PSD2: variants seen among roughly 807,000 people sequenced by gnomAD.
The protein encoded by PSD2 is PH and SEC7 domain-containing protein 2.
A neutral mutation model predicts 69.8 loss-of-function variants in PSD2; 38 were observed. The observed-to-expected ratio is 0.54, with a 90% CI of 0.42 to 0.71. PSD2 has a LOEUF of 0.71. Ranked by LOEUF, PSD2 falls within the 30% of genes least tolerant of loss-of-function variation. PSD2 has a pLI of 0.00. For synonymous variants in PSD2, 412 were observed against 423.0 expected (o/e 0.97, Z 0.32); for missense variants, 943 against 1,014.5 (o/e 0.93, Z 0.96).
Position 139,840,190 on chromosome 5 carries a change from A to ATTGCAAAGCCCAGTGCC in PSD2, c.2112+21_2112+37dup. Reference sequence around the variant, plus strand: ...TTCGAGGTGAGCCTTGGGGGACTGGATTGCAAAGCCCAGTGCCCTGCTCTT... The same window carrying ATTGCAAAGCCCAGTGCC: ...TTCGAGGTGAGCCTTGGGGGACTGGATTGCAAAGCCCAGTGCCTTGCAAAGCCCAGTGCCCTGCTCTT... On this transcript the variant is annotated intron_variant, in intron 14 of 14. Transcript: ENST00000274710. 1 of 1,612,786 alleles carries ATTGCAAAGCCCAGTGCC rather than the reference A, an allele frequency of 6.2e-7. No homozygotes were observed. The highest frequency in any genetic ancestry group is 8.5e-7 in the Non-Finnish European group (1 of 1,179,458).
rs1760818776 is a variant in PSD2, at chr5:139,839,516, G to A, written c.1969-511G>A. Among the ~76,000 whole-genome samples the A allele has an allele frequency of 1.3e-5, 2 of 152,214 alleles. No homozygotes were observed. Among genetic ancestry groups the A allele is most frequent in the South Asian group, 4.1e-4 (2 of 4,834 alleles). On this transcript the variant is annotated intron_variant, in intron 13 of 14. Transcript: ENST00000274710. The surrounding 1 kb of genome is among the most constrained non-coding windows in gnomAD (Gnocchi z 5.1). ...CTGGCCTGTAGTGGGTGGGATGTGT[G>A]CGTTTGCCCATCAGCGACAGTGTCT...
intron 4 of PSD2, among the ~76,000 whole-genome samples, chr5:139,817,067 C>A (rs1431805924): frequency 6.6e-6 from 1 of 152,232 alleles, no homozygotes; most frequent in Admixed American, 6.5e-5. Flanking sequence ...TACAGACTGA[C>A]CATCCCTGCT....
intron 5 of PSD2, among the ~76,000 whole-genome samples, chr5:139,821,042 C>T (rs974526126): frequency 6.6e-6 from 1 of 152,030 alleles, no homozygotes; most frequent in Non-Finnish European, 1.5e-5. Context: ...AAGTGATTCT[C>T]TTGCCTCAAC....
chr5:139,801,264 AGAC>A (rs977166421), intron 1 of PSD2, among the ~76,000 whole-genome samples: 18 of 151,454 alleles, frequency 1.2e-4, no homozygotes, highest in Non-Finnish European at 2.2e-4. Context: ...AGGGTTGTCT[AGAC>A]TCATTGTCTC....
At chr5:139,830,233 G>A (rs573752441) in intron 7 of PSD2, among the ~76,000 whole-genome samples, 2 of 150,292 alleles carry the variant, frequency 1.3e-5, no homozygotes, top group Admixed American at 1.3e-4. Context: ...GTCTTTTGTT[G>A]TTGTATTCTT....
chr5:139,766,838 T>TCTTTCTTC, the PSD2 span, among the ~76,000 whole-genome samples: 1 of 142,288 alleles, frequency 7.0e-6, no homozygotes, highest in South Asian at 2.3e-4. Flanking sequence ...CTTCTTTCTT[T>TCTTTCTTC]CTTTCTTTCT....
At chr5:139,786,816 T>A in the PSD2 span, among the ~76,000 whole-genome samples, 1 of 152,038 alleles carries the variant, frequency 6.6e-6, no homozygotes, top group Non-Finnish European at 1.5e-5. Flanking sequence ...ACTTGACGCG[T>A]TTTTGGAAGA....
the PSD2 span, among the ~76,000 whole-genome samples, chr5:139,789,453 A>G: frequency 6.6e-6 from 1 of 152,182 alleles, no homozygotes; most frequent in South Asian, 2.1e-4. Flanking sequence ...AAGCCCTTCT[A>G]ATATTTACAG....
chr5:139,754,370 C>T, the PSD2 span, among the ~76,000 whole-genome samples: 1 of 151,672 alleles, frequency 6.6e-6, no homozygotes, highest in African/African-American at 2.4e-5. Flanking sequence ...AGTTCAAGAC[C>T]AGCCTGGGCA....
Position 139,842,738 on chromosome 5 carries a change from G to A in PSD2, c.*264G>A, listed in dbSNP as rs998728389. The A allele has an allele frequency of 2.1e-6, 1 of 482,770 alleles. No individual in the cohort carries two copies. Among genetic ancestry groups the A allele is most frequent in the Middle Eastern group, 5.5e-4 (1 of 1,832 alleles). The allele number at this position is 482,770 out of a possible 1,614,324, so 29.9% of individuals were successfully genotyped here. A position where few individuals can be genotyped will look rare whatever the true frequency, so the allele number is the denominator to read the frequency against. On this transcript the variant is annotated 3_prime_UTR_variant, in exon 15 of 15. Coordinates refer to ENST00000274710, the MANE Select transcript of PSD2 (RefSeq NM_032289.4). ...GAGCCTCATTTTGTAGGCCAGTTGT[G>A]TGCATGCTCTAGACACCACCTCGCT... is the stretch of plus-strand genomic sequence containing the variant.
chr5:139,813,746 T>A lies in PSD2; in HGVS notation c.809T>A (p.Leu270Gln). 6.2e-7 allele frequency: 1 copy of A among 1,603,428 alleles called. No individual in the cohort carries two copies. Among genetic ancestry groups the A allele is most frequent in the Non-Finnish European group, 8.5e-7 (1 of 1,173,056 alleles). The change falls in exon 3 of 15, where the codon CTG (leucine) becomes CAG (glutamine). Residue 270 changes from leucine (L) to glutamine (Q), a missense_variant. This residue lies in a region of PSD2 where 466 missense variants were observed against 445.0 expected (regional missense o/e 1.05). Transcript: ENST00000274710. Reference protein sequence around the residue: ...DDDEEDTDKLLNSASDPSLKD... With the variant: ...DDDEEDTDKLQNSASDPSLKD... Reference sequence around the variant, plus strand: ...GATGAGGAGGACACGGACAAGTTGCTGAACTCAGCCAGGTGAGGCAGGGCC... The same window carrying A: ...GATGAGGAGGACACGGACAAGTTGCAGAACTCAGCCAGGTGAGGCAGGGCC...
chr5:139,839,612 C>T lies in PSD2; in HGVS notation c.1969-415C>T, dbSNP rs573056209. Among the ~76,000 whole-genome samples, 70 of 152,298 alleles carry T rather than the reference C, an allele frequency of 4.6e-4. No individual in the cohort carries two copies. Among genetic ancestry groups the T allele is most frequent in the African/African-American group, 1.6e-3 (67 of 41,564 alleles). On this transcript the variant is annotated intron_variant, in intron 13 of 14. Transcript: ENST00000274710. The surrounding 1 kb of genome is among the most constrained non-coding windows in gnomAD (Gnocchi z 5.1). ...ATCTGCGCATGAATGTAAGAGAACG[C>T]GTGTATCATATGGAGCAGGGGATAG...
At chr5:139,752,918 G>A in the PSD2 span, among the ~76,000 whole-genome samples, 75 of 151,794 alleles carry the variant, frequency 4.9e-4, no homozygotes, top group Non-Finnish European at 7.1e-4. Flanking sequence ...ACCCTGGCCA[G>A]TCTTTGACCA....
the PSD2 span, among the ~76,000 whole-genome samples, chr5:139,753,286 G>A: frequency 6.6e-6 from 1 of 152,196 alleles, no homozygotes; most frequent in Non-Finnish European, 1.5e-5. Context: ...CTGATTAGCA[G>A]GGTATAGGAA....
chr5:139,812,722 G>A (rs546151274), intron 2 of PSD2, among the ~76,000 whole-genome samples: 9 of 152,306 alleles, frequency 5.9e-5, no homozygotes, highest in East Asian at 1.9e-4. Flanking sequence ...GCGTTTGGCC[G>A]AGCTAAGAAC....
chr5:139,788,779 C>G, the PSD2 span, among the ~76,000 whole-genome samples: 121 of 152,318 alleles, frequency 7.9e-4, no homozygotes, highest in Non-Finnish European at 2.2e-4. Context: ...GCTTTGTCCA[C>G]CAGCCCTGGC....
Position 139,838,482 on chromosome 5 carries a change from A to G in PSD2, c.1824-146A>G, listed in dbSNP as rs546588584. On this transcript the variant is annotated intron_variant, in intron 12 of 14. Coordinates refer to ENST00000274710, the MANE Select transcript of PSD2 (RefSeq NM_032289.4). The stretch of plus-strand genomic sequence containing the variant: ...CTCTGGCCAGGCCCATCCAGCCCCC[A>G]TGTGTCCTCCCTCTCCCCTTTATCC... 16 of 840,422 alleles carry G rather than the reference A, an allele frequency of 1.9e-5. No individual in the cohort carries two copies. The African/African-American group carries it at 2.7e-4, about 14-fold the overall frequency. 52.1% of individuals were successfully genotyped at this position (840,422 alleles called of 1,614,324 possible). A position where few individuals can be genotyped will look rare whatever the true frequency, so the allele number is the denominator to read the frequency against.
At chr5:139,833,858 G>A (rs1276170460) in intron 8 of PSD2, 67 bp downstream of exon 8, 4 of 1,231,020 alleles carry the variant, frequency 3.2e-6, no homozygotes, top group Admixed American at 1.7e-5. Context: ...AGAGAGGTCT[G>A]TGCCTCGTGA....
chr5:139,833,827 T>G (rs751507663), intron 8 of PSD2, 36 bp downstream of exon 8: 1 of 1,454,588 alleles, frequency 6.9e-7, no homozygotes, highest in Non-Finnish European at 9.7e-7. Flanking sequence ...CCACTAGCTG[T>G]GCCCTGAATG....
Sources: allele counts gnomAD v4.1 joint callset (sites outside exome capture counted in the v4.1 genomes callset), GRCh38; gene constraint gnomAD v4.1.1; regional missense constraint gnomAD v4.1.1; non-coding constraint Gnocchi (gnomAD v3.1); transcripts MANE v1.5; gene names NCBI Gene and HGNC (gene_info 2026-07-23, HGNC 2026-07-21).